HEXD: variants seen among roughly 807,000 people sequenced by gnomAD.
HEXD encodes the protein hexosaminidase D, also known as N-acetyl-beta-galactosaminidase.
HEXD carries 47 observed loss-of-function variants against 54.2 expected under a neutral mutation model. The ratio of observed to expected loss-of-function variants is 0.87; its 90% CI spans 0.69 to 1.11. The LOEUF is 1.11. Among genes scored for constraint, HEXD ranks in the 50% least tolerant of loss-of-function variants. The pLI is 0.00. For synonymous variants in HEXD, 293 were observed against 287.6 expected, an observed-to-expected ratio of 1.02 and a Z score of -0.19; for missense variants, 576 against 649.2, an observed-to-expected ratio of 0.89 and a Z score of 1.23.
chr17:82,428,530 CCTCT>C (rs763803136), intron 3 of HEXD, 24 bp from the exon 4 acceptor site: 4 of 1,601,784 alleles, frequency 2.5e-6, no homozygotes, highest in African/African-American at 1.3e-5. Flanking sequence ...CTCACATGAC[CCTCT>C]CTCTATGAAT....
intron 9 of HEXD, 134 bp from the exon 10 acceptor site, chr17:82,440,863 C>G (rs966704819): frequency 3.6e-5 from 35 of 968,422 alleles, no homozygotes; most frequent in Non-Finnish European, 4.6e-5. Flanking sequence ...CCGGCACACG[C>G]GGGGCTGGGC....
chr17:82,424,182 C>A (rs1328147700), intron 2 of HEXD, among the ~76,000 whole-genome samples: 2 of 152,226 alleles, frequency 1.3e-5, no homozygotes, highest in Admixed American at 1.3e-4. Context: ...CATAGCATAT[C>A]TCCCCTTCTG....
chr17:82,420,927 A>G (rs985822986), intron 2 of HEXD, among the ~76,000 whole-genome samples: 1 of 152,164 alleles, frequency 6.6e-6, no homozygotes, highest in Non-Finnish European at 1.5e-5. Flanking sequence ...ACTCTTCAAC[A>G]AAATTAGGTA....
Position 82,418,647 on chromosome 17 carries a change from G to A in HEXD, c.-145G>A, listed in dbSNP as rs1422397166. 3 of 229,600 alleles carry A rather than the reference G, an allele frequency of 1.3e-5. No individual in the cohort carries two copies. Among genetic ancestry groups the A allele is most frequent in the Non-Finnish European group, 2.4e-5 (3 of 125,684 alleles). 14.2% of individuals were successfully genotyped at this position (229,600 alleles called of 1,614,324 possible). ...CCAGGCCCGAGCAATCGGCGGCCGA[G>A]CGGGGCGGGGCTCAGAGCGGAGGCG... On this transcript the variant is annotated 5_prime_UTR_variant, in exon 1 of 13. Transcript: ENST00000327949.
chr17:82,424,695 A>G (rs1172504642), intron 3 of HEXD, among the ~76,000 whole-genome samples, 192 bp downstream of exon 3: 6 of 152,272 alleles, frequency 3.9e-5, no homozygotes, highest in African/African-American at 1.4e-4. Flanking sequence ...CATTTCAAAC[A>G]TTCACTGGAG....
At chr17:82,435,067 C>A (rs1280529680) in intron 5 of HEXD, among the ~76,000 whole-genome samples, 1 of 152,176 alleles carries the variant, frequency 6.6e-6, no homozygotes, top group African/African-American at 2.4e-5. Context: ...ATCACTTGAA[C>A]CCAGGAGGTG....
At chr17:82,422,166 CAAAAAAAA>C (rs767984716) in intron 2 of HEXD, among the ~76,000 whole-genome samples, 3 of 65,986 alleles carry the variant, frequency 4.5e-5, no homozygotes, top group African/African-American at 5.9e-5. Context: ...GACTCTGTCT[CAAAAAAAA>C]AAAAAAAGAA....
At chr17:82,431,817 T>C (rs2053584809) in intron 4 of HEXD, among the ~76,000 whole-genome samples, 1 of 152,204 alleles carries the variant, frequency 6.6e-6, no homozygotes, top group South Asian at 2.1e-4. Flanking sequence ...TGGATCCTAC[T>C]TTCCAGTTCA....
Position 82,442,598 on chromosome 17 carries a change from A to G in HEXD, c.*214A>G, listed in dbSNP as rs375716688. The G allele has an allele frequency of 4.5e-6, 7 of 1,562,892 alleles. No individual in the cohort carries two copies. The highest frequency in any genetic ancestry group is 3.6e-5 in the Admixed American group (2 of 55,528). ...CAGGGAGACCCGCTTTGTGATCTGCATGTGTGACACTGATTCTTTGGAAAT... is the reference window on the plus strand; with the variant it reads ...CAGGGAGACCCGCTTTGTGATCTGCGTGTGTGACACTGATTCTTTGGAAAT... On this transcript the variant is annotated 3_prime_UTR_variant, in exon 13 of 13. Coordinates refer to ENST00000327949, the MANE Select transcript of HEXD (RefSeq NM_001330542.2). This position sits in a 1 kb window ranked among gnomAD's most constrained non-coding sequence, Gnocchi z 6.8.
chr17:82,422,674 A>G (rs1409861948), intron 2 of HEXD, among the ~76,000 whole-genome samples: 3 of 152,240 alleles, frequency 2.0e-5, no homozygotes, highest in Non-Finnish European at 2.9e-5. Flanking sequence ...CAGATGACAG[A>G]AAAGAAAAAA....
In HEXD at chr17:82,441,210, C is replaced by T. The variant is rs1418293021; in HGVS notation, c.1107C>T (p.Val369=). ...CTGGCAGCAACATCCTTGCCCTTGT[C>T]ACACAAGTCAGCCTCCATCTGCGCA... ...SFPGSNILAL[V]TQVSLHLRSS... is the part of the protein sequence containing the mutation. The change falls in exon 11 of 13, where the codon GTC becomes GTT. Residue 369 remains valine, a synonymous_variant. Transcript: ENST00000327949. 6 of 1,613,102 alleles carry T rather than the reference C, an allele frequency of 3.7e-6. 1 individual carries two copies. In the South Asian group the frequency reaches 6.6e-5, roughly 18 times the overall value.
rs1371018508 is a variant in HEXD, at chr17:82,428,622, G to A, written c.259G>A (p.Val87Met). Reference sequence around the variant, plus strand: ...CAATGAGCTGGAGGTGATTCCCTTGGTGCAGACATTTGGACACATGGAGGT... The same window carrying A: ...CAATGAGCTGGAGGTGATTCCCTTGATGCAGACATTTGGACACATGGAGGT... The part of the protein sequence containing the change: ...GLNELEVIPL[V>M]QTFGHMEFVL... The change falls in exon 4 of 13, where the codon GTG becomes ATG. Residue 87 changes from valine to methionine, a missense_variant. By Grantham distance (21) the Val-to-Met change is conservative. Coordinates refer to ENST00000327949, the MANE Select transcript of HEXD (RefSeq NM_001330542.2). 6.2e-7 allele frequency: 1 copy of A among 1,613,324 alleles called. No individual in the cohort carries two copies. Among genetic ancestry groups the A allele is most frequent in the Admixed American group, 1.7e-5 (1 of 60,006 alleles).
rs994291937 is a variant in HEXD, at chr17:82,420,894, C to T, written c.84+1011C>T. On this transcript the variant is annotated intron_variant, in intron 2 of 12. Transcript: ENST00000327949. Reference sequence around the variant, plus strand: ...CCACCCAGTTTATGGTCATTTATTACAGCAGCCCTAGAAAACTAAGACACT... The same window carrying T: ...CCACCCAGTTTATGGTCATTTATTATAGCAGCCCTAGAAAACTAAGACACT... 2.0e-5 allele frequency among the ~76,000 whole-genome samples: 3 copies of T among 152,154 alleles called. No individual in the cohort carries two copies. The South Asian group carries it at 6.2e-4, about 32-fold the overall frequency.
At chr17:82,440,746 G>A (rs1374862881) in intron 9 of HEXD, 2 of 530,514 alleles carry the variant, frequency 3.8e-6, no homozygotes, top group East Asian at 3.4e-5. Flanking sequence ...GGGTGTTGCT[G>A]CTGGCAACAC....
At chr17:82,428,527 G>T in intron 3 of HEXD, 31 bp from the exon 4 acceptor site, 1 of 1,599,478 alleles carries the variant, frequency 6.3e-7, no homozygotes, top group South Asian at 1.1e-5. Context: ...CTGCTCACAT[G>T]ACCCTCTCTC....
In HEXD at chr17:82,441,010, A is replaced by C; in HGVS notation, c.996A>C (p.Glu332Asp). The change falls in exon 10 of 13, where the codon GAA (glutamate) becomes GAC (aspartate). Residue 332 changes from glutamate (E) to aspartate (D), a missense_variant. Glu to Asp is a conservative substitution (Grantham distance 45). Transcript: ENST00000327949. ...TTGTGATTTCAGGAGGATTTGATGA[A>C]GATGTTAAAGCGAAAGTGGAGAACC... ...LQLLLRGGFD[E>D]DVKAKVENLL... 6.2e-7 allele frequency: 1 copy of C among 1,613,510 alleles called. No homozygotes were observed. Among genetic ancestry groups the C allele is most frequent in the Non-Finnish European group, 8.5e-7 (1 of 1,179,996 alleles).
At position 82,435,777 on chromosome 17, in the gene HEXD, G is replaced by T; in HGVS notation, c.536G>T (p.Arg179Leu). 6.2e-7 allele frequency: 1 copy of T among 1,612,928 alleles called. No homozygotes were observed. The highest frequency in any genetic ancestry group is 8.5e-7 in the Non-Finnish European group (1 of 1,179,890). The change falls in exon 6 of 13, where the codon CGG (arginine) becomes CTG (leucine). Residue 179 changes from arginine to leucine, a missense_variant. Arg to Leu is a moderately radical substitution (Grantham distance 102). Transcript: ENST00000327949. ...GGGAAGTTGTGCCTGTCACACATGCGGGCGGTGGCCAGCGGCGTGAAGGCC... is the reference window on the plus strand; with the variant it reads ...GGGAAGTTGTGCCTGTCACACATGCTGGCGGTGGCCAGCGGCGTGAAGGCC... ...STGKLCLSHM[R>L]AVASGVKARR...
Position 82,436,754 on chromosome 17 carries a change from T to TG in HEXD, c.703+22dup, listed in dbSNP as rs543185615. On this transcript the variant is annotated intron_variant, in intron 7 of 12. Coordinates refer to ENST00000327949, the MANE Select transcript of HEXD (RefSeq NM_001330542.2). ...CACGGCAAGGGTCAGTGCCAAGTTG[T>TG]GGGGGGTGTGTTGTCCTGGCCATGT... is the stretch of plus-strand genomic sequence containing the variant. The TG allele has an allele frequency of 9.0e-5, 144 of 1,607,674 alleles. No individual in the cohort carries two copies. The African/African-American group carries it at 1.6e-3, about 17-fold the overall frequency.
intron 4 of HEXD, among the ~76,000 whole-genome samples, chr17:82,433,169 T>C (rs1470345011): frequency 2.0e-5 from 2 of 100,870 alleles, no homozygotes; most frequent in East Asian, 3.4e-4. Flanking sequence ...AGTCTGGGCG[T>C]GGTGGTTCAC....
Sources: allele counts gnomAD v4.1 joint callset (sites outside exome capture counted in the v4.1 genomes callset), GRCh38; gene constraint gnomAD v4.1.1; non-coding constraint Gnocchi (gnomAD v3.1); transcripts MANE v1.5; gene names NCBI Gene and HGNC (gene_info 2026-07-23, HGNC 2026-07-21).